SIRT5: variants seen among roughly 807,000 people sequenced by gnomAD.
The protein encoded by SIRT5 is NAD-dependent protein deacylase sirtuin-5, mitochondrial.
In SIRT5, 26 loss-of-function variants were observed where a neutral mutation model predicts 40.0. The observed-to-expected ratio is 0.65, with a 90% CI of 0.48 to 0.90. The LOEUF is 0.90. Ranked by LOEUF, SIRT5 falls within the 40% of genes least tolerant of loss-of-function variation. The probability of loss-of-function intolerance (pLI) is 0.00; values close to 1 mark genes in which losing one functional copy is unlikely to be tolerated. For synonymous variants in SIRT5, 146 were observed against 149.1 expected, an observed-to-expected ratio of 0.98 and a Z score of 0.15; for missense variants, 401 against 402.4, an observed-to-expected ratio of 1.00 and a Z score of 0.03.
intron 6 of SIRT5, among the ~76,000 whole-genome samples, chr6:13,596,029 C>T (rs1761533300): frequency 1.3e-5 from 2 of 152,066 alleles, no homozygotes; most frequent in Admixed American, 1.3e-4. Context: ...TAAATATAGC[C>T]ATGTGATAAA....
chr6:13,578,011 T>C lies in SIRT5; in HGVS notation c.-194-1440T>C, dbSNP rs543103246. Among the ~76,000 whole-genome samples the C allele has an allele frequency of 3.3e-5, 5 of 152,322 alleles. No homozygotes were observed. The East Asian group carries it at 9.6e-4, about 29-fold the overall frequency. On this transcript the variant is annotated intron_variant, in intron 1 of 9. Coordinates refer to ENST00000606117, the MANE Select transcript of SIRT5 (RefSeq NM_012241.5). ...CTATACTTATTGAGAGTTTTTATTA[T>C]GAAAAGATGTTGAATTTTGTCACAT...
In SIRT5 at chr6:13,604,365, G is replaced by C. The variant is rs938887948; in HGVS notation, c.857+3416G>C. 4 of 776,868 alleles carry C rather than the reference G, an allele frequency of 5.1e-6. No individual in the cohort carries two copies. The African/African-American group carries it at 7.1e-5, about 14-fold the overall frequency. 48.1% of individuals were successfully genotyped at this position (776,868 alleles called of 1,614,324 possible). On this transcript the variant is annotated intron_variant, in intron 9 of 9. Transcript: ENST00000606117. ...CGGAGCTAGGCAGCTCAAGCCTCCTGTCTGTTTGAAAGACCATCAGAAAAC... is the reference window on the plus strand; with the variant it reads ...CGGAGCTAGGCAGCTCAAGCCTCCTCTCTGTTTGAAAGACCATCAGAAAAC...
chr6:13,591,407 A>G (rs182594251), intron 4 of SIRT5, among the ~76,000 whole-genome samples: 370 of 152,354 alleles, frequency 2.4e-3, no homozygotes, highest in Non-Finnish European at 3.7e-3. Flanking sequence ...TAGATGGGAC[A>G]GGTTGCATCA....
intron 9 of SIRT5, chr6:13,605,709 C>G: frequency 1.0e-6 from 1 of 985,446 alleles, no homozygotes; most frequent in Non-Finnish European, 1.2e-6. Flanking sequence ...CCTGACTATT[C>G]CAATAAACCC....
At chr6:13,604,408 A>G in intron 9 of SIRT5, 2 of 982,206 alleles carry the variant, frequency 2.0e-6, no homozygotes, top group Non-Finnish European at 3.3e-6. Flanking sequence ...GTGGGACAGG[A>G]TAAACTTTGT....
In SIRT5 at chr6:13,614,869, G is replaced by C. The variant is rs1402372266; in HGVS notation, c.*3004G>C. ...GGCCACGGCGGCCATCTGCTAGAGC[G>C]CATTTCTTCCCATGAAACGCCACCT... is the stretch of plus-strand genomic sequence containing the variant. On this transcript the variant is annotated 3_prime_UTR_variant, in exon 10 of 10. Transcript: ENST00000606117. 1 of 155,262 alleles carries C rather than the reference G, an allele frequency of 6.4e-6. No individual in the cohort carries two copies. Among genetic ancestry groups the C allele is most frequent in the Non-Finnish European group, 1.4e-5 (1 of 69,992 alleles). 9.6% of individuals were successfully genotyped at this position (155,262 alleles called of 1,614,324 possible). A position where few individuals can be genotyped will look rare whatever the true frequency, so the allele number is the denominator to read the frequency against.
In SIRT5 at chr6:13,579,442, C is replaced by G. The variant is rs1759056518; in HGVS notation, c.-194-9C>G. The G allele has an allele frequency of 6.6e-6, 1 of 151,908 alleles. No homozygotes were observed. The highest frequency in any genetic ancestry group is 6.6e-5 in the Admixed American group (1 of 15,264). 9.4% of individuals were successfully genotyped at this position (151,908 alleles called of 1,614,324 possible). On this transcript the variant is annotated splice_polypyrimidine_tract_variant and intron_variant, in intron 1 of 9. Coordinates refer to ENST00000606117, the MANE Select transcript of SIRT5 (RefSeq NM_012241.5). ...GTTTATTCAGTAGTTTTTTTGAATT[C>G]TTTTACAGTAAATGGAAATGTTTTC...
At chr6:13,595,295 G>A (rs897733581) in intron 5 of SIRT5, among the ~76,000 whole-genome samples, 182 bp from the exon 6 acceptor site, 6 of 152,174 alleles carry the variant, frequency 3.9e-5, no homozygotes, top group African/African-American at 1.2e-4. Context: ...GATCGCTTGA[G>A]CCCATGAGTT....
In SIRT5 at chr6:13,594,122, G is replaced by T. The variant is rs536512956; in HGVS notation, c.476-1355G>T. 1.7e-4 allele frequency among the ~76,000 whole-genome samples: 26 copies of T among 152,270 alleles called. No individual in the cohort carries two copies. The South Asian group carries it at 5.4e-3, about 32-fold the overall frequency. On this transcript the variant is annotated intron_variant, in intron 5 of 9. Coordinates refer to ENST00000606117, the MANE Select transcript of SIRT5 (RefSeq NM_012241.5). ...TGCTTTCCTTCCTGAAGTGGCCCTTGAAGGGTTTGTTGGCGGAAGGATCCA... is the reference window on the plus strand; with the variant it reads ...TGCTTTCCTTCCTGAAGTGGCCCTTTAAGGGTTTGTTGGCGGAAGGATCCA...
chr6:13,580,608 C>T (rs772142295), intron 2 of SIRT5, among the ~76,000 whole-genome samples: 1 of 151,888 alleles, frequency 6.6e-6, no homozygotes, highest in Non-Finnish European at 1.5e-5. Context: ...TTTCCCTCTC[C>T]CTCCCTCTGT....
chr6:13,577,362 T>A lies in SIRT5; in HGVS notation c.-194-2089T>A, dbSNP rs146334089. Among the ~76,000 whole-genome samples, 50 of 152,264 alleles carry A rather than the reference T, an allele frequency of 3.3e-4. 1 individual carries two copies. The highest frequency in any genetic ancestry group is 6.5e-4 in the Admixed American group (10 of 15,294). On this transcript the variant is annotated intron_variant, in intron 1 of 9. Transcript: ENST00000606117. ...TGGTTTTCAGTGTACAGGTCTTATA[T>A]CTTTGGTTAAATTTACCTGAAGTGG...
intron 5 of SIRT5, among the ~76,000 whole-genome samples, chr6:13,594,344 G>T (rs1009957630): frequency 6.6e-6 from 1 of 152,174 alleles, no homozygotes; most frequent in Non-Finnish European, 1.5e-5. Context: ...TGACAAAGTA[G>T]GTTTATTGGC....
rs1759060220 is a variant in SIRT5, at chr6:13,579,485, C to T, written c.-160C>T. The T allele has an allele frequency of 6.6e-6, 1 of 152,022 alleles. No individual in the cohort carries two copies. The highest frequency in any genetic ancestry group is 2.1e-4 in the South Asian group (1 of 4,832). The allele number at this position is 152,022 out of a possible 1,614,324, so 9.4% of individuals were successfully genotyped here. ...ATGTTTTCTAACATATAAAAACCTACAGAAGAAGAAAATAATTTTCTGGAT... is the reference window on the plus strand; with the variant it reads ...ATGTTTTCTAACATATAAAAACCTATAGAAGAAGAAAATAATTTTCTGGAT... On this transcript the variant is annotated 5_prime_UTR_variant, in exon 2 of 10. Transcript: ENST00000606117.
At chr6:13,578,580 G>GCA (rs1441492157) in intron 1 of SIRT5, among the ~76,000 whole-genome samples, 3 of 142,668 alleles carry the variant, frequency 2.1e-5, no homozygotes, top group African/African-American at 8.0e-5. Flanking sequence ...CGGCGCCACT[G>GCA]CACTGCAGCT....
At position 13,591,902 on chromosome 6, in the gene SIRT5, A is replaced by AC. The variant is rs772639581; in HGVS notation, c.475+13dup. The AC allele has an allele frequency of 6.2e-7, 1 of 1,606,652 alleles. No individual in the cohort carries two copies. On this transcript the variant is annotated intron_variant, in intron 5 of 9. Coordinates refer to ENST00000606117, the MANE Select transcript of SIRT5 (RefSeq NM_012241.5). ...ACCTTCTGGAGATCCATGGTGAGAG[A>AC]CCCCCAGCCTCCCATTCAGGGAACC...
At chr6:13,606,370 T>C (rs1318198143) in intron 9 of SIRT5, among the ~76,000 whole-genome samples, 1 of 152,138 alleles carries the variant, frequency 6.6e-6, no homozygotes, top group Non-Finnish European at 1.5e-5. Context: ...TGTTGGAGTT[T>C]AGAAGTCTAA....
At chr6:13,575,030 T>C (rs1445478462) in intron 1 of SIRT5, among the ~76,000 whole-genome samples, 1 of 152,100 alleles carries the variant, frequency 6.6e-6, no homozygotes, top group Non-Finnish European at 1.5e-5. Flanking sequence ...GCTGAGCAGC[T>C]TGGCTATGGG....
chr6:13,610,326 T>A (rs1763663141), intron 9 of SIRT5, among the ~76,000 whole-genome samples: 1 of 152,220 alleles, frequency 6.6e-6, no homozygotes, highest in African/African-American at 2.4e-5. Context: ...CCTTCCAAGT[T>A]GTATGCCAAA....
chr6:13,605,129 ATC>A, intron 9 of SIRT5: 4 of 985,518 alleles, frequency 4.1e-6, no homozygotes, highest in Non-Finnish European at 4.8e-6. Flanking sequence ...AGAATTGTAT[ATC>A]TCGTGCTTAA....
Sources: gnomAD v4.1 joint callset for allele counts (sites outside exome capture counted in the v4.1 genomes callset) on GRCh38, gnomAD v4.1.1 for gene constraint, MANE v1.5 for transcripts, NCBI Gene and HGNC (gene_info 2026-07-23, HGNC 2026-07-21) for gene names.